The following SLCO1B1 variants were observed in gnomAD, a reference collection of about 807,000 sequenced individuals.
The protein encoded by SLCO1B1 is OATP-2.
SLCO1B1 carries 81 observed loss-of-function variants against 70.1 expected under a neutral mutation model. The ratio of observed to expected loss-of-function variants is 1.16; its 90% CI spans 0.97 to 1.39. The LOEUF is 1.39. SLCO1B1 is among the 40% of genes most tolerant of loss of function. The probability of loss-of-function intolerance (pLI) is 0.00; values close to 1 mark genes in which losing one functional copy is unlikely to be tolerated. For missense variants in SLCO1B1, 895 were observed against 799.6 expected, an observed-to-expected ratio of 1.12 and a Z score of -1.44; for synonymous variants, 283 against 271.5, an observed-to-expected ratio of 1.04 and a Z score of -0.42.
intron 9 of SLCO1B1, among the ~76,000 whole-genome samples, chr12:21,201,324 A>C: frequency 6.6e-6 from 1 of 152,158 alleles, no homozygotes; most frequent in Middle Eastern, 3.2e-3. Context: ...AAATGAATGT[A>C]CTGAAGCAGG....
intron 11 of SLCO1B1, among the ~76,000 whole-genome samples, chr12:21,209,962 C>T (rs1011012975): frequency 2.0e-5 from 3 of 151,828 alleles, no homozygotes; most frequent in African/African-American, 7.3e-5. Context: ...GATATTAGCC[C>T]TTTGTCAGAT....
chr12:21,174,628 GA>G lies in SLCO1B1; in HGVS notation c.279del (p.Arg93SerfsTer4), dbSNP rs1565673108. Reference protein sequence around the residue: ...FVSYFGSKLHRPKLIGIGCFI... With the variant: ...FVSYFGSKLHXPKLIGIGCFI... Reference sequence around the variant, plus strand: ...AGTTACTTTGGATCCAAACTACATAGACCAAAGTTAATTGGAATCGGTTGTT... The same window carrying G: ...AGTTACTTTGGATCCAAACTACATAGCCAAAGTTAATTGGAATCGGTTGTT... On this transcript the variant is annotated frameshift_variant, in exon 4 of 15. Transcript: ENST00000256958. LOFTEE classifies it high-confidence loss of function. 1 of 1,612,498 alleles carries G rather than the reference GA, an allele frequency of 6.2e-7. No homozygotes were observed. The highest frequency in any genetic ancestry group is 2.2e-5 in the East Asian group (1 of 44,714).
chr12:21,164,704 C>T (rs796337202), intron 2 of SLCO1B1, among the ~76,000 whole-genome samples: 39 of 152,158 alleles, frequency 2.6e-4, no homozygotes, highest in African/African-American at 8.4e-4. Flanking sequence ...AGGGGCTTTT[C>T]ATGTGCTTCC....
At chr12:21,139,311 T>C (rs971136618) in intron 1 of SLCO1B1, among the ~76,000 whole-genome samples, 9 of 152,130 alleles carry the variant, frequency 5.9e-5, no homozygotes. Flanking sequence ...TAAACAGCCA[T>C]TGACTTTTTT....
intron 2 of SLCO1B1, among the ~76,000 whole-genome samples, chr12:21,148,557 T>C (rs994172197): frequency 6.6e-6 from 1 of 152,156 alleles, no homozygotes; most frequent in African/African-American, 2.4e-5. Context: ...TCTGTTCTGT[T>C]CCATTGGTCT....
rs1941201233 is a variant in SLCO1B1 at position 21,205,190 on chromosome 12, TG to T, written c.1332-677del. Among the ~76,000 whole-genome samples the T allele has an allele frequency of 2.6e-5, 4 of 152,032 alleles. No individual in the cohort carries two copies. In the South Asian group the frequency reaches 8.3e-4, roughly 31 times the overall value. On this transcript the variant is annotated intron_variant, in intron 10 of 14. Coordinates refer to ENST00000256958, the MANE Select transcript of SLCO1B1 (RefSeq NM_006446.5). ...AATTTTTTAAATGTTTAAGCAGAAA[TG>T]AATTATACAAAAAATATATTTTATA...
rs2291076 is a variant in SLCO1B1 at position 21,179,053 on chromosome 12, C to T, written c.727+33C>T. On this transcript the variant is annotated intron_variant, in intron 7 of 14. Coordinates refer to ENST00000256958, the MANE Select transcript of SLCO1B1 (RefSeq NM_006446.5). Reference sequence around the variant, plus strand: ...CAACCAGAACAAGGTACCATGATAACGTCTTTCTAAGCACACATGCGAAAA... The same window carrying T: ...CAACCAGAACAAGGTACCATGATAATGTCTTTCTAAGCACACATGCGAAAA... 0.43 allele frequency: 579,377 copies of T among 1,344,994 alleles called. 130,934 individuals are homozygous for T. Among genetic ancestry groups the T allele is most frequent in the South Asian group, 0.48 (40,952 of 85,574 alleles). 83.3% of individuals were successfully genotyped at this position (1,344,994 alleles called of 1,614,324 possible).
intron 5 of SLCO1B1, 102 bp from the exon 6 acceptor site, chr12:21,178,473 TA>T (rs4149097): frequency 1.1e-3 from 902 of 814,866 alleles, no homozygotes; most frequent in Middle Eastern, 1.5e-3. Flanking sequence ...ACTTGTAAAT[TA>T]AAAAAAAATA....
chr12:21,164,694 A>G (rs1940663627), intron 2 of SLCO1B1, among the ~76,000 whole-genome samples: 1 of 152,076 alleles, frequency 6.6e-6, no homozygotes, highest in Non-Finnish European at 1.5e-5. Flanking sequence ...TTCACTTCTT[A>G]GGGGCTTTTC....
chr12:21,225,631 A>G (rs559132625), intron 14 of SLCO1B1, among the ~76,000 whole-genome samples: 6 of 152,366 alleles, frequency 3.9e-5, no homozygotes, highest in African/African-American at 1.4e-4. Flanking sequence ...AGGAAATTTC[A>G]AAGTGAAAGT....
At chr12:21,157,982 G>A (rs1216249412) in intron 2 of SLCO1B1, among the ~76,000 whole-genome samples, 1 of 152,076 alleles carries the variant, frequency 6.6e-6, no homozygotes, top group Non-Finnish European at 1.5e-5. Context: ...AGAAAGAGAG[G>A]TCACATTATT....
Position 21,230,292 on chromosome 12 carries a change from A to G in SLCO1B1, c.1865+5453A>G, listed in dbSNP as rs972011503. ...ATATTTTTTGAGAATTTTTGCGTCTATGTTCATGAGAGAAGTTGCTCTGTA... is the reference window on the plus strand; with the variant it reads ...ATATTTTTTGAGAATTTTTGCGTCTGTGTTCATGAGAGAAGTTGCTCTGTA... On this transcript the variant is annotated intron_variant, in intron 14 of 14. Transcript: ENST00000256958. Among the ~76,000 whole-genome samples the G allele has an allele frequency of 4.5e-5, 6 of 133,568 alleles. No homozygotes were observed. The East Asian group carries it at 1.1e-3, about 24-fold the overall frequency. 87.6% of individuals were successfully genotyped at this position (133,568 alleles called of 152,430 possible).
At chr12:21,186,449 C>G (rs185151082) in intron 7 of SLCO1B1, among the ~76,000 whole-genome samples, 1 of 151,424 alleles carries the variant, frequency 6.6e-6, no homozygotes, top group Non-Finnish European at 1.5e-5. Flanking sequence ...GATTCTTGTG[C>G]GTTTTTATAC....
intron 11 of SLCO1B1, among the ~76,000 whole-genome samples, chr12:21,215,469 G>A (rs1941346479): frequency 6.6e-6 from 1 of 152,116 alleles, no homozygotes; most frequent in South Asian, 2.1e-4. Context: ...CATTTATGTA[G>A]TGAATCACAT....
intron 1 of SLCO1B1, among the ~76,000 whole-genome samples, chr12:21,133,460 A>G (rs1209942288): frequency 2.0e-5 from 3 of 152,342 alleles, no homozygotes; most frequent in Non-Finnish European, 4.4e-5. Context: ...CTTCCTGCCC[A>G]TGAGCATGGA....
chr12:21,213,056 C>T (rs1331409755), intron 11 of SLCO1B1, among the ~76,000 whole-genome samples: 4 of 151,654 alleles, frequency 2.6e-5, no homozygotes, highest in African/African-American at 9.7e-5. Context: ...AGCATTTAGT[C>T]CATTTACATT....
Position 21,172,745 on chromosome 12 carries a change from G to A in SLCO1B1, c.180G>A (p.Glu60=), listed in dbSNP as rs1010243097. ...TCATTCATATAGAACGGAGATTTGA[G>A]ATATCCTCTTCTCTTGTTGGTTTTA... The part of the protein sequence containing the change: ...SSIIHIERRF[E]ISSSLVGFID... Residue 60 remains glutamate (E), a synonymous_variant, in exon 3 of 15, where the codon GAG becomes GAA. Transcript: ENST00000256958. 5 of 1,613,364 alleles carry A rather than the reference G, an allele frequency of 3.1e-6. No individual in the cohort carries two copies. In the African/African-American group the frequency reaches 5.3e-5, roughly 17 times the overall value.
chr12:21,201,492 G>A (rs1001051407), intron 9 of SLCO1B1, among the ~76,000 whole-genome samples: 2 of 152,098 alleles, frequency 1.3e-5, no homozygotes, highest in African/African-American at 4.8e-5. Context: ...AAAGTTATAG[G>A]AGGGATTAAA....
At chr12:21,202,041 G>A (rs895147839) in intron 9 of SLCO1B1, among the ~76,000 whole-genome samples, 5 of 152,134 alleles carry the variant, frequency 3.3e-5, no homozygotes, top group African/African-American at 4.8e-5. Flanking sequence ...AAAAAAGAAT[G>A]AGTTTATGTC....
Sources: allele counts gnomAD v4.1 joint callset (sites outside exome capture counted in the v4.1 genomes callset), GRCh38; gene constraint gnomAD v4.1.1; transcripts MANE v1.5; gene names NCBI Gene and HGNC (gene_info 2026-07-23, HGNC 2026-07-21).